PCDHA12: variants seen among roughly 807,000 people sequenced by gnomAD.
PCDHA12 encodes protocadherin alpha-12.
In PCDHA12, 44 loss-of-function variants were observed where a neutral mutation model predicts 60.0. The ratio of observed to expected loss-of-function variants is 0.73; its 90% CI spans 0.58 to 0.94. The LOEUF (loss-of-function observed/expected upper bound fraction) is 0.94, where lower values mean the gene tolerates loss of function less well. Ranked by LOEUF, PCDHA12 falls within the 40% of genes least tolerant of loss-of-function variation. The probability of loss-of-function intolerance (pLI) is 0.00; values close to 1 mark genes in which losing one functional copy is unlikely to be tolerated. For synonymous variants in PCDHA12, 569 were observed against 553.0 expected (o/e 1.03, Z -0.40); for missense variants, 1,276 against 1,239.7 (o/e 1.03, Z -0.44).
intron 1 of PCDHA12, chr5:140,884,259 C>T (rs1554181391): frequency 1.9e-6 from 3 of 1,613,378 alleles, no homozygotes; most frequent in Admixed American, 1.7e-5. Flanking sequence ...GCCACGGCAA[C>T]GGTGCTGTTG....
chr5:140,953,055 T>C (rs1389436711), intron 1 of PCDHA12, among the ~76,000 whole-genome samples: 3 of 152,178 alleles, frequency 2.0e-5, no homozygotes, highest in African/African-American at 7.2e-5. Flanking sequence ...CAATCACCTC[T>C]CACAGGCCCC....
intron 1 of PCDHA12, chr5:140,883,720 A>C: frequency 6.2e-7 from 1 of 1,613,566 alleles, no homozygotes; most frequent in Non-Finnish European, 8.5e-7. Context: ...ACGCGGACGC[A>C]CAGGAGAACG....
chr5:140,887,387 C>T (rs959255749), intron 1 of PCDHA12, among the ~76,000 whole-genome samples: 8 of 152,106 alleles, frequency 5.3e-5, no homozygotes, highest in Non-Finnish European at 1.5e-5. Context: ...TGAGCCACCG[C>T]GCCCGGCTCT....
At chr5:140,927,094 G>C (rs555838945) in intron 1 of PCDHA12, 4 of 1,612,890 alleles carry the variant, frequency 2.5e-6, no homozygotes. Context: ...CTACTTCGGG[G>C]TGGATCTACC....
At chr5:140,937,658 A>T (rs1045534345) in intron 1 of PCDHA12, among the ~76,000 whole-genome samples, 2 of 151,280 alleles carry the variant, frequency 1.3e-5, no homozygotes, top group Non-Finnish European at 2.9e-5. Flanking sequence ...CACGCCTGTA[A>T]TCCCAGCACT....
chr5:140,883,159 G>T (rs782151764), intron 1 of PCDHA12: 3 of 1,613,846 alleles, frequency 1.9e-6, no homozygotes, highest in South Asian at 1.1e-5. Flanking sequence ...CCATAAATCC[G>T]AACAATGGAG....
intron 1 of PCDHA12, among the ~76,000 whole-genome samples, chr5:140,881,790 G>T (rs2058832674): frequency 6.6e-6 from 1 of 152,164 alleles, no homozygotes; most frequent in Non-Finnish European, 1.5e-5. Context: ...CCGATCAATT[G>T]TCCCAAAACG....
chr5:140,886,062 C>T (rs925772414), intron 1 of PCDHA12, among the ~76,000 whole-genome samples: 10 of 152,172 alleles, frequency 6.6e-5, no homozygotes, highest in Non-Finnish European at 1.2e-4. Context: ...CTTACAAAAG[C>T]GTAGGGCCAT....
At chr5:140,884,520 C>A (rs782029549) in intron 1 of PCDHA12, 1 of 1,614,036 alleles carries the variant, frequency 6.2e-7, no homozygotes, top group Non-Finnish European at 8.5e-7. Flanking sequence ...TGGTCGTACT[C>A]GCAGCAGAGG....
intron 1 of PCDHA12, chr5:140,967,806 G>A (rs1406839046): frequency 8.1e-6 from 13 of 1,614,180 alleles, no homozygotes; most frequent in Non-Finnish European, 1.1e-5. Flanking sequence ...CCCATGGCAG[G>A]TCACTGCAAG....
chr5:140,906,545 T>C (rs1477554651), intron 1 of PCDHA12, among the ~76,000 whole-genome samples: 2 of 152,256 alleles, frequency 1.3e-5, no homozygotes, highest in Admixed American at 6.5e-5. Context: ...TCCTCATTTC[T>C]GCAACTGGTT....
rs538024116 is a variant in PCDHA12 at position 140,945,235 on chromosome 5, T to C, written c.2368-33714T>C. Among the ~76,000 whole-genome samples the C allele has an allele frequency of 1.1e-4, 17 of 152,128 alleles. No homozygotes were observed. In the South Asian group the frequency reaches 3.5e-3, roughly 32 times the overall value. On this transcript the variant is annotated intron_variant, in intron 1 of 3. Coordinates refer to ENST00000398631, the MANE Select transcript of PCDHA12 (RefSeq NM_018903.4). ...GAAAATAAAAATACTTAGGAATAAA[T>C]TTAACCAAGAGGATGAAAGACCTGC...
intron 1 of PCDHA12, among the ~76,000 whole-genome samples, chr5:140,948,369 TG>T (rs1209104577): frequency 7.9e-5 from 12 of 151,580 alleles, no homozygotes; most frequent in Non-Finnish European, 3.0e-5. Context: ...ACTTAGGAGG[TG>T]TTCCTTCCTC....
intron 1 of PCDHA12, among the ~76,000 whole-genome samples, chr5:140,893,800 T>C (rs1483033571): frequency 6.6e-6 from 1 of 152,174 alleles, no homozygotes; most frequent in Non-Finnish European, 1.5e-5. Flanking sequence ...ATTCCCTCCT[T>C]GTCTTGAGTC....
rs1181664726 is a variant in PCDHA12 at position 140,982,480 on chromosome 5, T to C, written c.2432T>C (p.Val811Ala). ...GGGTCTGTGTGTTTATTCAGCTCTG[T>C]GCACCTAGAGGAGGCTGGCATTCTA... ...ASLRAGMHSS[V>A]HLEEAGILRA... is the part of the protein sequence containing the mutation. The change falls in exon 3 of 4, where the codon GTG (valine) becomes GCG (alanine). Residue 811 changes from valine (V) to alanine (A), a missense_variant. Coordinates refer to ENST00000398631, the MANE Select transcript of PCDHA12 (RefSeq NM_018903.4). 5.0e-6 allele frequency: 8 copies of C among 1,614,216 alleles called. No individual in the cohort carries two copies. Among genetic ancestry groups the C allele is most frequent in the Non-Finnish European group, 6.8e-6 (8 of 1,180,038 alleles).
chr5:140,990,184 A>G lies in PCDHA12; in HGVS notation c.2515+7621A>G, dbSNP rs1230599539. 1.3e-5 allele frequency among the ~76,000 whole-genome samples: 2 copies of G among 152,158 alleles called. 1 individual carries two copies. The highest frequency in any genetic ancestry group is 2.9e-5 in the Non-Finnish European group (2 of 68,034). ...GGGTATGAAAAGGTGACTTTTAAGA[A>G]CCAAATGTGGACCCGAAAGAGAACA... is the stretch of plus-strand genomic sequence containing the variant. On this transcript the variant is annotated intron_variant, in intron 3 of 3. Transcript: ENST00000398631.
At chr5:140,899,035 G>C (rs2067107583) in intron 1 of PCDHA12, among the ~76,000 whole-genome samples, 1 of 151,908 alleles carries the variant, frequency 6.6e-6, no homozygotes, top group African/African-American at 2.4e-5. Context: ...TTTGTACATT[G>C]ATTTTGTATC....
chr5:140,885,819 A>G (rs1488283542), intron 1 of PCDHA12, among the ~76,000 whole-genome samples: 1 of 152,032 alleles, frequency 6.6e-6, no homozygotes, highest in Non-Finnish European at 1.5e-5. Flanking sequence ...TTTGTATTTG[A>G]TCTTCTTTGA....
At chr5:140,956,701 G>A (rs549659732) in intron 1 of PCDHA12, among the ~76,000 whole-genome samples, 30 of 152,256 alleles carry the variant, frequency 2.0e-4, no homozygotes, top group Admixed American at 1.4e-3. Context: ...CCATTGTTTG[G>A]AATAGCTTCA....
Sources: allele counts gnomAD v4.1 joint callset (sites outside exome capture counted in the v4.1 genomes callset), GRCh38; gene constraint gnomAD v4.1.1; transcripts MANE v1.5; gene names NCBI Gene and HGNC (gene_info 2026-07-23, HGNC 2026-07-21).